The following TFRC variants were observed in gnomAD, a reference collection of about 807,000 sequenced individuals.
TFRC encodes the protein transferrin receptor protein 1.
In TFRC, 35 loss-of-function variants were observed where a neutral mutation model predicts 85.8. The ratio of observed to expected loss-of-function variants is 0.41; its 90% CI spans 0.31 to 0.54. The LOEUF is 0.54. TFRC is among the 20% of genes least tolerant of loss of function. The pLI is 0.31. For synonymous variants in TFRC, 362 were observed against 328.6 expected (o/e 1.10, Z -1.10); for missense variants, 828 against 921.5 (o/e 0.90, Z 1.31).
chr3:196,063,476 A>G (rs2108644625), intron 11 of TFRC: 1 of 152,970 alleles, frequency 6.5e-6, no homozygotes, highest in East Asian at 1.9e-4. Flanking sequence ...CATCCCTCCC[A>G]CTTCCCTCAC....
At position 196,068,050 on chromosome 3, in the gene TFRC, T is replaced by C; in HGVS notation, c.882A>G (p.Glu294=). The C allele has an allele frequency of 6.2e-7, 1 of 1,613,000 alleles. No homozygotes were observed. Among genetic ancestry groups the C allele is most frequent in the Non-Finnish European group, 8.5e-7 (1 of 1,179,650 alleles). Residue 294 remains glutamate, a synonymous_variant, in exon 8 of 19, where the codon GAA becomes GAG. Coordinates refer to ENST00000360110, the MANE Select transcript of TFRC (RefSeq NM_001128148.3). ...DQTKFPIVNA[E]LSFFGHAHLG... ...AACTCACATGTCCAAAGAATGAAAGTTCTGCGTTAACAATGGGAAATTTAG... is the reference window on the plus strand; with the variant it reads ...AACTCACATGTCCAAAGAATGAAAGCTCTGCGTTAACAATGGGAAATTTAG...
At chr3:196,069,840 C>A (rs1233064294) in intron 6 of TFRC, 1 of 301,568 alleles carries the variant, frequency 3.3e-6, no homozygotes, top group African/African-American at 2.2e-5. Context: ...ATTAAAGAGG[C>A]CTATGTAGGC....
chr3:196,067,880 CA>C, intron 8 of TFRC, 151 bp downstream of exon 8: 1 of 747,828 alleles, frequency 1.3e-6, no homozygotes, highest in Non-Finnish European at 2.1e-6. Context: ...AATAAAGCCT[CA>C]AAGTCAATGT....
chr3:196,072,385 C>T (rs1306859998), intron 4 of TFRC, among the ~76,000 whole-genome samples: 1 of 152,172 alleles, frequency 6.6e-6, no homozygotes, highest in African/African-American at 2.4e-5. Context: ...CCTTCAAGAG[C>T]CTCATCATAA....
intron 16 of TFRC, 39 bp downstream of exon 16, chr3:196,058,245 G>A (rs748435068): frequency 7.1e-6 from 11 of 1,545,378 alleles, no homozygotes; most frequent in Non-Finnish European, 8.0e-6. Context: ...TCCTTTTAGA[G>A]AGCCTCTCTC....
At position 196,053,473 on chromosome 3, in the gene TFRC, T is replaced by C; in HGVS notation, c.1985A>G (p.Asn662Ser). The C allele has an allele frequency of 6.2e-7, 1 of 1,614,222 alleles. No individual in the cohort carries two copies. Among genetic ancestry groups the C allele is most frequent in the Non-Finnish European group, 8.5e-7 (1 of 1,180,030 alleles). ...GACAAATCTGTCTGTTTTCTCAGCATTCCCGAAATCTGTTGTTAGTCTGGA... is the reference window on the plus strand; with the variant it reads ...GACAAATCTGTCTGTTTTCTCAGCACTCCCGAAATCTGTTGTTAGTCTGGA... ...ATSRLTTDFG[N>S]AEKTDRFVMK... Residue 662 changes from asparagine to serine, a missense_variant, in exon 18 of 19, where the codon AAT becomes AGT. Transcript: ENST00000360110.
chr3:196,055,376 G>A (rs41297535), intron 16 of TFRC, 75 bp from the exon 17 acceptor site: 17 of 1,287,328 alleles, frequency 1.3e-5, no homozygotes, highest in African/African-American at 1.2e-4. Context: ...CTTCGCCATC[G>A]AGGTAACAGT....
chr3:196,072,801 T>C (rs193151049), intron 4 of TFRC: 4 of 152,248 alleles, frequency 2.6e-5, no homozygotes, highest in Admixed American at 1.3e-4. Context: ...TGTGCAAAGA[T>C]AGTAAAACTC....
intron 3 of TFRC, 82 bp from the exon 4 acceptor site, chr3:196,074,207 G>T: frequency 1.5e-6 from 2 of 1,332,374 alleles, no homozygotes; most frequent in Non-Finnish European, 2.1e-6. Flanking sequence ...TTTCAGGTAA[G>T]CCTTGAAAAT....
In TFRC at chr3:196,050,614, G is replaced by GT. The variant is rs1458888978; in HGVS notation, c.*1327dup. On this transcript the variant is annotated 3_prime_UTR_variant, in exon 19 of 19. Coordinates refer to ENST00000360110, the MANE Select transcript of TFRC (RefSeq NM_001128148.3). ...CTGCTCCCGATAATGTGTTAGGATTGTGACAAAGGTACTGGAAATTTTGCA... is the reference window on the plus strand; with the variant it reads ...CTGCTCCCGATAATGTGTTAGGATTGTTGACAAAGGTACTGGAAATTTTGCA... 5 of 203,474 alleles carry GT rather than the reference G, an allele frequency of 2.5e-5. No individual in the cohort carries two copies. The highest frequency in any genetic ancestry group is 5.0e-5 in the Non-Finnish European group (5 of 99,064). 12.6% of individuals were successfully genotyped at this position (203,474 alleles called of 1,614,324 possible).
chr3:196,053,231 TC>T (rs1206077297), intron 18 of TFRC, among the ~76,000 whole-genome samples, 186 bp downstream of exon 18: 4 of 152,154 alleles, frequency 2.6e-5, no homozygotes, highest in Admixed American at 2.6e-4. Flanking sequence ...GCAAGTCTCT[TC>T]CAAAAAGACT....
Position 196,065,443 on chromosome 3 carries a change from C to A in TFRC, c.1198G>T (p.Asp400Tyr). The change falls in exon 10 of 19, where the codon GAT (aspartate) becomes TAT (tyrosine). Residue 400 changes from aspartate (D) to tyrosine (Y), a missense_variant and splice_region_variant. Coordinates refer to ENST00000360110, the MANE Select transcript of TFRC (RefSeq NM_001128148.3). ...GGGGGGGGGGGGGGGCGGTCTTTAC[C>A]TGGTTCTACAAAGCCTTTAATAACT... ...FGVIKGFVEP[D>Y]HYVVVGAQRD... The A allele has an allele frequency of 2.5e-6, 2 of 798,172 alleles. No homozygotes were observed. Among genetic ancestry groups the A allele is most frequent in the Admixed American group, 2.7e-5 (1 of 36,916 alleles). The allele number at this position is 798,172 out of a possible 1,614,324, so 49.4% of individuals were successfully genotyped here.
rs369176211 is a variant in TFRC at position 196,075,331 on chromosome 3, C to T, written c.66G>A (p.Arg22=). ...CATCTACTTGCCGAGCCAGGCTGAA[C>T]CGGGTATATGACAATGGTTCTCCAC... ...LFGGEPLSYT[R]FSLARQVDGD... The change falls in exon 3 of 19, where the codon CGG becomes CGA. Residue 22 remains arginine (R), a synonymous_variant. Transcript: ENST00000360110. 2 of 1,613,996 alleles carry T rather than the reference C, an allele frequency of 1.2e-6. No homozygotes were observed. The highest frequency in any genetic ancestry group is 1.1e-5 in the South Asian group (1 of 91,094).
intron 1 of TFRC, among the ~76,000 whole-genome samples, chr3:196,079,909 A>T (rs1231805347): frequency 6.6e-6 from 1 of 152,174 alleles, no homozygotes; most frequent in Non-Finnish European, 1.5e-5. Context: ...CTTCATCTCT[A>T]TGAAGCCTTC....
At chr3:196,077,841 T>A (rs1718837091) in intron 1 of TFRC, among the ~76,000 whole-genome samples, 1 of 151,906 alleles carries the variant, frequency 6.6e-6, no homozygotes, top group Non-Finnish European at 1.5e-5. Flanking sequence ...ACAAACCATC[T>A]CCAATGGGAA....
chr3:196,060,117 T>A, intron 14 of TFRC, 63 bp downstream of exon 14: 2 of 1,363,144 alleles, frequency 1.5e-6, no homozygotes, highest in Non-Finnish European at 1.0e-6. Flanking sequence ...ATCAGTGTTT[T>A]TTATCTCAGG....
chr3:196,070,515 A>G (rs1474832999), intron 6 of TFRC, among the ~76,000 whole-genome samples: 1 of 152,122 alleles, frequency 6.6e-6, no homozygotes, highest in African/African-American at 2.4e-5. Flanking sequence ...GGACTCCCAA[A>G]GTGCTGGGAT....
intron 16 of TFRC, among the ~76,000 whole-genome samples, chr3:196,056,143 C>T (rs1187848185): frequency 6.6e-6 from 1 of 152,194 alleles, no homozygotes; most frequent in African/African-American, 2.4e-5. Flanking sequence ...AAGTGACCCC[C>T]CTGCCTCAGC....
At chr3:196,063,818 G>A (rs1181930379) in intron 11 of TFRC, among the ~76,000 whole-genome samples, 1 of 152,186 alleles carries the variant, frequency 6.6e-6, no homozygotes, top group Non-Finnish European at 1.5e-5. Context: ...TCAGGAGGCT[G>A]AGGCAGGAGA....
Sources: gnomAD v4.1 joint callset for allele counts (sites outside exome capture counted in the v4.1 genomes callset) on GRCh38, gnomAD v4.1.1 for gene constraint, MANE v1.5 for transcripts, NCBI Gene and HGNC (gene_info 2026-07-23, HGNC 2026-07-21) for gene names.